The following NELL1 variants were observed in gnomAD, a reference collection of about 807,000 sequenced individuals.
NELL1 encodes the protein protein kinase C-binding protein NELL1.
A neutral mutation model predicts 107.4 loss-of-function variants in NELL1; 76 were observed. The ratio of observed to expected loss-of-function variants is 0.71; its 90% CI spans 0.59 to 0.86. The LOEUF (loss-of-function observed/expected upper bound fraction) is 0.86. Ranked by LOEUF, NELL1 falls within the 40% of genes least tolerant of loss-of-function variation. NELL1 has a pLI of 0.00. For missense variants in NELL1, 1,024 were observed against 1,005.5 expected (o/e 1.02, Z -0.25); for synonymous variants, 353 against 341.2 (o/e 1.03, Z -0.38).
At chr11:20,813,442 T>C (rs907564628) in intron 3 of NELL1, among the ~76,000 whole-genome samples, 1 of 146,206 alleles carries the variant, frequency 6.8e-6, no homozygotes, top group African/African-American at 2.5e-5. Context: ...TTAGTAGATA[T>C]ACATGATGAG....
At chr11:21,406,017 C>CA (rs1852226231) in intron 15 of NELL1, among the ~76,000 whole-genome samples, 1 of 151,944 alleles carries the variant, frequency 6.6e-6, no homozygotes, top group Non-Finnish European at 1.5e-5. Flanking sequence ...ATTGGCCCCT[C>CA]CATTTGTAAG....
intron 15 of NELL1, among the ~76,000 whole-genome samples, chr11:21,492,202 C>T (rs951417392): frequency 5.9e-5 from 9 of 152,266 alleles, no homozygotes; most frequent in African/African-American, 2.2e-4. Flanking sequence ...GAGATACCAT[C>T]TCACACCAGT....
chr11:21,367,528 A>T (rs991729092), intron 14 of NELL1, among the ~76,000 whole-genome samples: 1 of 152,116 alleles, frequency 6.6e-6, no homozygotes, highest in African/African-American at 2.4e-5. Flanking sequence ...TTGCCGTCTT[A>T]CTGCAGCATC....
chr11:21,464,726 T>C (rs1853985306), intron 15 of NELL1, among the ~76,000 whole-genome samples: 1 of 152,078 alleles, frequency 6.6e-6, no homozygotes, highest in Non-Finnish European at 1.5e-5. Context: ...ACTACTAGAG[T>C]GGTTTCACCA....
At chr11:21,158,572 C>A (rs575212902) in intron 13 of NELL1, among the ~76,000 whole-genome samples, 61 of 151,980 alleles carry the variant, frequency 4.0e-4, no homozygotes, top group Admixed American at 1.1e-3. Flanking sequence ...ATATCTTTAC[C>A]CTTTGATTCT....
intron 5 of NELL1, among the ~76,000 whole-genome samples, chr11:20,915,419 T>C (rs1850223780): frequency 6.6e-6 from 1 of 151,668 alleles, no homozygotes; most frequent in Non-Finnish European, 1.5e-5. Context: ...CACAAGAATC[T>C]GAATGTTAAG....
chr11:21,219,923 T>A (rs2133870823), intron 13 of NELL1, among the ~76,000 whole-genome samples: 1 of 152,216 alleles, frequency 6.6e-6, no homozygotes, highest in South Asian at 2.1e-4. Flanking sequence ...AAACTTATGG[T>A]CATAGTGGAA....
chr11:21,096,250 C>T (rs1349173744), intron 12 of NELL1, among the ~76,000 whole-genome samples: 1 of 152,104 alleles, frequency 6.6e-6, no homozygotes, highest in East Asian at 1.9e-4. Context: ...CTTTTCCCAC[C>T]CACCACACTG....
chr11:21,262,283 A>G (rs1478383038), intron 14 of NELL1, among the ~76,000 whole-genome samples: 1 of 151,812 alleles, frequency 6.6e-6, no homozygotes, highest in Non-Finnish European at 1.5e-5. Context: ...ATATATCTGT[A>G]CCATGACTCT....
In NELL1 at chr11:20,669,593, G is replaced by C. The variant is rs575198186; in HGVS notation, c.-131G>C. The C allele has an allele frequency of 1.9e-5, 13 of 687,680 alleles. No individual in the cohort carries two copies. In the African/African-American group the frequency reaches 2.2e-4, roughly 12 times the overall value. 42.6% of individuals were successfully genotyped at this position (687,680 alleles called of 1,614,324 possible). A position where few individuals can be genotyped will look rare whatever the true frequency, so the allele number is the denominator to read the frequency against. ...CGCATATGCGAGCGCAGCACCCGGC[G>C]CTGCCGAGCCACCTCCCCCGCCGCC... On this transcript the variant is annotated 5_prime_UTR_variant, in exon 1 of 20. Transcript: ENST00000357134. This position sits in a 1 kb window ranked among gnomAD's most constrained non-coding sequence, Gnocchi z 4.4.
intron 15 of NELL1, among the ~76,000 whole-genome samples, chr11:21,417,700 C>A (rs183971352): frequency 7.8e-4 from 119 of 152,142 alleles, no homozygotes; most frequent in African/African-American, 2.8e-3. Flanking sequence ...TCAAAAGCAA[C>A]TTCCTTCTCA....
chr11:20,934,438 G>A (rs1282374897), intron 9 of NELL1, among the ~76,000 whole-genome samples: 3 of 152,184 alleles, frequency 2.0e-5, no homozygotes, highest in East Asian at 1.9e-4. Flanking sequence ...TGGTGGATTC[G>A]AGGGGTGGAT....
At chr11:21,186,212 C>A (rs1565101214) in intron 13 of NELL1, among the ~76,000 whole-genome samples, 1 of 151,774 alleles carries the variant, frequency 6.6e-6, no homozygotes, top group African/African-American at 2.4e-5. Flanking sequence ...AAAAGAAGGG[C>A]CCCATTCACT....
intron 15 of NELL1, among the ~76,000 whole-genome samples, chr11:21,408,595 A>G (rs1359065954): frequency 6.6e-6 from 1 of 151,940 alleles, no homozygotes; most frequent in Non-Finnish European, 1.5e-5. Flanking sequence ...AGGTTGCGAA[A>G]ATTTTCTCCC....
At chr11:21,008,063 G>A (rs1852367532) in intron 12 of NELL1, among the ~76,000 whole-genome samples, 1 of 152,076 alleles carries the variant, frequency 6.6e-6, no homozygotes, top group South Asian at 2.1e-4. Flanking sequence ...TTACAGAAGT[G>A]AAGTAACTTG....
chr11:21,473,732 A>T (rs758755733), intron 15 of NELL1, among the ~76,000 whole-genome samples: 334 of 152,170 alleles, frequency 2.2e-3, no homozygotes, highest in African/African-American at 7.9e-3. Flanking sequence ...TTTTTGGAAG[A>T]TGAATAATAT....
At chr11:21,490,751 A>C (rs1307139813) in intron 15 of NELL1, among the ~76,000 whole-genome samples, 1 of 152,140 alleles carries the variant, frequency 6.6e-6, no homozygotes, top group Non-Finnish European at 1.5e-5. Context: ...ATCCATATGC[A>C]AAAGAATGAA....
chr11:21,339,628 G>A (rs902209662), intron 14 of NELL1, among the ~76,000 whole-genome samples: 9 of 152,150 alleles, frequency 5.9e-5, no homozygotes, highest in Non-Finnish European at 1.2e-4. Flanking sequence ...CACCTCTCCA[G>A]GCAATCAGGG....
chr11:21,166,002 G>T (rs530129363), intron 13 of NELL1, among the ~76,000 whole-genome samples: 3 of 151,688 alleles, frequency 2.0e-5, no homozygotes, highest in Admixed American at 2.0e-4. Flanking sequence ...TAAGCCACCT[G>T]CCTTGACCTC....
Sources: gnomAD v4.1 joint callset for allele counts (sites outside exome capture counted in the v4.1 genomes callset) on GRCh38, gnomAD v4.1.1 for gene constraint, Gnocchi (gnomAD v3.1) non-coding constraint, MANE v1.5 for transcripts, NCBI Gene and HGNC (gene_info 2026-07-23, HGNC 2026-07-21) for gene names.